The following STK39 variants were observed in gnomAD, a reference collection of about 807,000 sequenced individuals.
STK39 encodes serine/threonine kinase 39.
Under a neutral mutation model 77.8 loss-of-function variants are expected in STK39, and 20 were observed. That is an observed-to-expected ratio of 0.26 (90% confidence interval 0.18 to 0.37). The LOEUF is 0.37. Ranked by LOEUF, STK39 falls within the 10% of genes least tolerant of loss-of-function variation. STK39 has a pLI of 1.00. For synonymous variants in STK39, 246 were observed against 234.1 expected (o/e 1.05, Z -0.47); for missense variants, 479 against 656.5 (o/e 0.73, Z 2.95).
chr2:167,978,727 C>T (rs1398906357), intron 16 of STK39, among the ~76,000 whole-genome samples: 1 of 152,100 alleles, frequency 6.6e-6, no homozygotes, highest in Admixed American at 6.6e-5. Context: ...TGAATATGTC[C>T]ATCAGTTTTC....
chr2:168,215,229 C>T, intron 1 of STK39, among the ~76,000 whole-genome samples: 1 of 152,004 alleles, frequency 6.6e-6, no homozygotes, highest in East Asian at 1.9e-4. Context: ...ACTGGCATTA[C>T]CAAATGGCCA....
chr2:168,020,788 C>A (rs1051163813), intron 14 of STK39, among the ~76,000 whole-genome samples: 1 of 151,996 alleles, frequency 6.6e-6, no homozygotes. Context: ...TCCAAGTTTA[C>A]AAATTTAATG....
chr2:167,964,151 A>C (rs1429198549), intron 17 of STK39, among the ~76,000 whole-genome samples: 1 of 152,134 alleles, frequency 6.6e-6, no homozygotes, highest in African/African-American at 2.4e-5. Flanking sequence ...TTTCTACAAA[A>C]ATCTGTTACT....
intron 16 of STK39, among the ~76,000 whole-genome samples, chr2:168,011,250 G>A (rs922044252): frequency 6.6e-6 from 1 of 151,936 alleles, no homozygotes; most frequent in African/African-American, 2.4e-5. Flanking sequence ...AGTGGGCCGA[G>A]ATTACACCAC....
At chr2:168,074,280 G>A (rs1057478203) in intron 12 of STK39, among the ~76,000 whole-genome samples, 1 of 152,178 alleles carries the variant, frequency 6.6e-6, no homozygotes, top group African/African-American at 2.4e-5. Context: ...ATTTATTAAG[G>A]TATACATTAA....
Position 168,247,468 on chromosome 2 carries a change from G to C in STK39, c.-33C>G, listed in dbSNP as rs756828768. The C allele has an allele frequency of 1.4e-5, 18 of 1,299,734 alleles. No homozygotes were observed. The highest frequency in any genetic ancestry group is 4.6e-5 in the African/African-American group (3 of 64,658). 80.5% of individuals were successfully genotyped at this position (1,299,734 alleles called of 1,614,324 possible). A position where few individuals can be genotyped will look rare whatever the true frequency, so the allele number is the denominator to read the frequency against. On this transcript the variant is annotated 5_prime_UTR_variant, in exon 1 of 18. Transcript: ENST00000355999. ...CGGAGGAGAGCAGGAGGACGCGCCG[G>C]CCGACGGACGACCTTCCACTTGAAA...
At chr2:168,023,214 C>A (rs953888142) in intron 14 of STK39, among the ~76,000 whole-genome samples, 5 of 151,850 alleles carry the variant, frequency 3.3e-5, no homozygotes, top group East Asian at 1.9e-4. Context: ...CCATGCCCAG[C>A]CTGACTTTAA....
chr2:168,245,595 C>T (rs942491894), intron 1 of STK39, among the ~76,000 whole-genome samples: 1 of 152,172 alleles, frequency 6.6e-6, no homozygotes, highest in Non-Finnish European at 1.5e-5. Flanking sequence ...GATGGGCACT[C>T]ACAGGAGGGA....
At chr2:168,169,075 A>G (rs1313252557) in intron 2 of STK39, among the ~76,000 whole-genome samples, 3 of 152,232 alleles carry the variant, frequency 2.0e-5, no homozygotes, top group East Asian at 3.8e-4. Flanking sequence ...TTCTCAGTAT[A>G]TAACAATGAT....
chr2:168,028,831 A>G (rs932791254), intron 14 of STK39, among the ~76,000 whole-genome samples: 10 of 152,184 alleles, frequency 6.6e-5, no homozygotes, highest in African/African-American at 2.4e-4. Flanking sequence ...GTACTTTCTA[A>G]CAGGAATGTA....
intron 5 of STK39, among the ~76,000 whole-genome samples, chr2:168,145,282 T>C (rs4668024): frequency 0.16 from 24,482 of 152,054 alleles, 2,046 homozygotes; most frequent in East Asian, 0.25. Context: ...AGGAATACAA[T>C]GGAGAAAAGA....
At chr2:168,005,898 T>C (rs931756354) in intron 16 of STK39, among the ~76,000 whole-genome samples, 1 of 152,158 alleles carries the variant, frequency 6.6e-6, no homozygotes, top group African/African-American at 2.4e-5. Flanking sequence ...GCATGAACAA[T>C]AGTCCAAAAG....
chr2:168,106,077 C>T (rs1686965450), intron 10 of STK39, among the ~76,000 whole-genome samples: 1 of 152,228 alleles, frequency 6.6e-6, no homozygotes, highest in Non-Finnish European at 1.5e-5. Flanking sequence ...ATTCTCCTGC[C>T]TCAGCCTCCT....
At chr2:168,242,354 G>C (rs1411543185) in intron 1 of STK39, among the ~76,000 whole-genome samples, 1 of 151,084 alleles carries the variant, frequency 6.6e-6, no homozygotes, top group African/African-American at 2.4e-5. Flanking sequence ...TTCAGACCAG[G>C]AGTTTGTGAC....
At chr2:168,139,130 T>G (rs922752418) in intron 7 of STK39, among the ~76,000 whole-genome samples, 1 of 152,092 alleles carries the variant, frequency 6.6e-6, no homozygotes, top group African/African-American at 2.4e-5. Context: ...AGCGGGAGAC[T>G]GGGAACTCTG....
chr2:168,103,455 C>A (rs1280156933), intron 10 of STK39, among the ~76,000 whole-genome samples: 1 of 152,132 alleles, frequency 6.6e-6, no homozygotes, highest in African/African-American at 2.4e-5. Context: ...AAACTATTCT[C>A]CAAGAAACAG....
At chr2:168,173,568 C>T (rs371395782) in intron 2 of STK39, among the ~76,000 whole-genome samples, 2 of 88,934 alleles carry the variant, frequency 2.2e-5, no homozygotes, top group Non-Finnish European at 4.0e-5. Flanking sequence ...TTTATTTATT[C>T]ATTTTGAGAT....
intron 14 of STK39, among the ~76,000 whole-genome samples, chr2:168,029,880 T>A (rs927263351): frequency 1.3e-5 from 2 of 152,304 alleles, no homozygotes; most frequent in East Asian, 1.9e-4. Context: ...AGTGGGTTGC[T>A]GGATGTGGCA....
Position 167,986,170 on chromosome 2 carries a change from C to A in STK39, c.1499-21444G>T, listed in dbSNP as rs968962071. Among the ~76,000 whole-genome samples the A allele has an allele frequency of 1.1e-4, 16 of 152,196 alleles. 1 individual carries two copies. The highest frequency in any genetic ancestry group is 1.0e-3 in the Admixed American group (16 of 15,282). On this transcript the variant is annotated intron_variant, in intron 16 of 17. Coordinates refer to ENST00000355999, the MANE Select transcript of STK39 (RefSeq NM_013233.3). ...ATCTTAAACATACACTTCAGGAACA[C>A]TGACTGCCCTTAATGCCAACTACAA...
Sources: allele counts gnomAD v4.1 joint callset (sites outside exome capture counted in the v4.1 genomes callset), GRCh38; gene constraint gnomAD v4.1.1; transcripts MANE v1.5; gene names NCBI Gene and HGNC (gene_info 2026-07-23, HGNC 2026-07-21).